The following SYNPR variants were observed in gnomAD, a reference collection of about 807,000 sequenced individuals.
SYNPR encodes the protein synaptoporin.
Under a neutral mutation model 32.9 loss-of-function variants are expected in SYNPR, and 23 were observed. The ratio of observed to expected loss-of-function variants is 0.70; its 90% CI spans 0.50 to 0.99. The LOEUF is 0.99. SYNPR is among the 50% of genes least tolerant of loss of function. The pLI is 0.00. For synonymous variants in SYNPR, 146 were observed against 135.9 expected (o/e 1.07, Z -0.52); for missense variants, 318 against 349.3 (o/e 0.91, Z 0.71).
chr3:63,512,050 A>C lies in SYNPR; in HGVS notation c.209+31094A>C, dbSNP rs1282505807. Reference sequence around the variant, plus strand: ...TGATTACTGACACAGACACACATACACAAGCGAGTAATTAGGACTCTTTGA... The same window carrying C: ...TGATTACTGACACAGACACACATACCCAAGCGAGTAATTAGGACTCTTTGA... On this transcript the variant is annotated intron_variant, in intron 3 of 5. Transcript: ENST00000478300. Among the ~76,000 whole-genome samples the C allele has an allele frequency of 3.3e-5, 5 of 152,266 alleles. No individual in the cohort carries two copies. In the East Asian group the frequency reaches 9.7e-4, roughly 29 times the overall value.
At position 63,613,610 on chromosome 3, in the gene SYNPR, CAAAAAAAAAA is replaced by C. The variant is rs10566584; in HGVS notation, c.601-1594_601-1585del. ...TGCCTCAGTTCAATTTATGCTGCAG[CAAAAAAAAAA>C]AAAAAAAAAAAAAAAAAAAGTCTGC... On this transcript the variant is annotated intron_variant, in intron 5 of 5. Coordinates refer to ENST00000478300, the MANE Select transcript of SYNPR (RefSeq NM_001130003.2). 4.6e-4 allele frequency among the ~76,000 whole-genome samples: 21 copies of C among 46,050 alleles called. No homozygotes were observed. In the South Asian group the frequency reaches 5.0e-3, roughly 11 times the overall value. The allele number at this position is 46,050 out of a possible 152,430, so 30.2% of individuals were successfully genotyped here. A position where few individuals can be genotyped will look rare whatever the true frequency, so the allele number is the denominator to read the frequency against.
In SYNPR at chr3:63,353,682, A is replaced by T. The variant is rs114123216; in HGVS notation, c.84+74940A>T. 1.6e-3 allele frequency among the ~76,000 whole-genome samples: 237 copies of T among 152,306 alleles called. 2 individuals carry two copies. Among genetic ancestry groups the T allele is most frequent in the African/African-American group, 5.3e-3 (220 of 41,564 alleles). ...TTTAAGCAAACTGTCCCCTCCACTTATAAAACTTAAGTTTTACATCGTTTT... is the reference window on the plus strand; with the variant it reads ...TTTAAGCAAACTGTCCCCTCCACTTTTAAAACTTAAGTTTTACATCGTTTT... On this transcript the variant is annotated intron_variant, in intron 2 of 5. Transcript: ENST00000478300.
At chr3:63,420,595 T>C (rs1312765459) in intron 2 of SYNPR, among the ~76,000 whole-genome samples, 2 of 152,172 alleles carry the variant, frequency 1.3e-5, no homozygotes, top group Admixed American at 6.5e-5. Context: ...TCTGAAACTA[T>C]AGTTTTAAAA....
Position 63,280,167 on chromosome 3 carries a change from C to T in SYNPR, c.84+1425C>T, listed in dbSNP as rs142086645. 2.6e-3 allele frequency among the ~76,000 whole-genome samples: 398 copies of T among 152,296 alleles called. 4 individuals are homozygous for T. Among genetic ancestry groups the T allele is most frequent in the African/African-American group, 9.2e-3 (384 of 41,556 alleles). On this transcript the variant is annotated intron_variant, in intron 2 of 5. Coordinates refer to ENST00000478300, the MANE Select transcript of SYNPR (RefSeq NM_001130003.2). The stretch of plus-strand genomic sequence containing the variant: ...TGACATAATCTCTTATTGTCTCACA[C>T]GCTCACCTATCTGAAATATTAGTTC...
intron 2 of SYNPR, among the ~76,000 whole-genome samples, chr3:63,478,934 A>C (rs1700987918): frequency 4.6e-5 from 7 of 152,122 alleles, no homozygotes; most frequent in Admixed American, 3.9e-4. Flanking sequence ...CCTTCTCTTT[A>C]TTTCTATTAA....
intron 2 of SYNPR, among the ~76,000 whole-genome samples, chr3:63,479,701 C>T (rs550870279): frequency 6.6e-6 from 1 of 152,274 alleles, no homozygotes; most frequent in East Asian, 1.9e-4. Flanking sequence ...GCCTTCTTGT[C>T]CACAGCAACT....
At chr3:63,254,882 T>C (rs899044982) in intron 2 of SYNPR, among the ~76,000 whole-genome samples, 3 of 152,152 alleles carry the variant, frequency 2.0e-5, no homozygotes, top group African/African-American at 7.2e-5. Context: ...CTTATAAGAA[T>C]GGCCCAGACA....
intron 4 of SYNPR, among the ~76,000 whole-genome samples, chr3:63,580,770 A>G (rs1034202216): frequency 5.9e-5 from 9 of 152,152 alleles, no homozygotes; most frequent in African/African-American, 2.2e-4. Flanking sequence ...CTCCTTATAC[A>G]GTTCTGGCAA....
chr3:63,413,696 G>A (rs2088499859), intron 2 of SYNPR, among the ~76,000 whole-genome samples: 1 of 152,104 alleles, frequency 6.6e-6, no homozygotes, highest in Admixed American at 6.6e-5. Flanking sequence ...ATCACTATGA[G>A]CTATTGTTTT....
chr3:63,283,623 C>CTTTTTTTTTT (rs10650958), intron 2 of SYNPR, among the ~76,000 whole-genome samples: 2 of 111,530 alleles, frequency 1.8e-5, no homozygotes, highest in Non-Finnish European at 1.7e-5. Flanking sequence ...ACAGATAATT[C>CTTTTTTTTTT]TTTTTTTTTT....
At chr3:63,517,404 A>G (rs1701820249) in intron 3 of SYNPR, among the ~76,000 whole-genome samples, 2 of 152,164 alleles carry the variant, frequency 1.3e-5, no homozygotes, top group African/African-American at 4.8e-5. Context: ...ATATACTTTA[A>G]GAAGTAGAGA....
intron 2 of SYNPR, among the ~76,000 whole-genome samples, chr3:63,326,087 T>A (rs1406506435): frequency 6.6e-6 from 1 of 151,866 alleles, no homozygotes; most frequent in African/African-American, 2.4e-5. Flanking sequence ...GGTGGGAGAA[T>A]AAAAGAAGAA....
chr3:63,380,859 A>G (rs1263432233), intron 2 of SYNPR, among the ~76,000 whole-genome samples: 1 of 152,234 alleles, frequency 6.6e-6, no homozygotes, highest in Non-Finnish European at 1.5e-5. Flanking sequence ...ACAGCCCTTC[A>G]TGCTAAAAAC....
At chr3:63,570,957 T>G (rs1702874961) in intron 4 of SYNPR, among the ~76,000 whole-genome samples, 1 of 152,282 alleles carries the variant, frequency 6.6e-6, no homozygotes, top group South Asian at 2.1e-4. Context: ...AAGGGAAACA[T>G]AGAAACATAT....
chr3:63,275,601 A>T (rs1284688142), upstream of SYNPR, among the ~76,000 whole-genome samples: 1 of 152,190 alleles, frequency 6.6e-6, no homozygotes, highest in Non-Finnish European at 1.5e-5. Flanking sequence ...ATAATCTGCA[A>T]GTAGGCAATA....
intron 2 of SYNPR, among the ~76,000 whole-genome samples, chr3:63,382,237 G>A (rs1387717219): frequency 1.3e-5 from 2 of 152,182 alleles, no homozygotes; most frequent in Non-Finnish European, 2.9e-5. Context: ...CTCCCAAGGT[G>A]ATCTTCATAT....
intron 3 of SYNPR, among the ~76,000 whole-genome samples, chr3:63,514,369 G>A (rs1368240509): frequency 3.3e-5 from 5 of 152,314 alleles, no homozygotes; most frequent in African/African-American, 1.2e-4. Flanking sequence ...AGAAGACAGA[G>A]CAAGTCATGG....
intron 3 of SYNPR, among the ~76,000 whole-genome samples, chr3:63,514,535 G>T (rs1701759242): frequency 6.6e-6 from 1 of 152,152 alleles, no homozygotes; most frequent in South Asian, 2.1e-4. Context: ...CAGATAAACA[G>T]CTTGTCTCTT....
chr3:63,440,161 A>G (rs1700147124), intron 2 of SYNPR, among the ~76,000 whole-genome samples: 1 of 152,214 alleles, frequency 6.6e-6, no homozygotes, highest in African/African-American at 2.4e-5. Context: ...TAAGAAACAG[A>G]AAGTAGAACT....
Sources: gnomAD v4.1 joint callset for allele counts (sites outside exome capture counted in the v4.1 genomes callset) on GRCh38, gnomAD v4.1.1 for gene constraint, MANE v1.5 for transcripts, NCBI Gene and HGNC (gene_info 2026-07-23, HGNC 2026-07-21) for gene names.